VANGL1: variants seen among roughly 807,000 people sequenced by gnomAD.
VANGL1 encodes the protein VANGL planar cell polarity protein 1, also known as vang-like protein 1.
A neutral mutation model predicts 48.4 loss-of-function variants in VANGL1; 18 were observed. That is an observed-to-expected ratio of 0.37 (90% confidence interval 0.26 to 0.55). The LOEUF is 0.55. Ranked by LOEUF, VANGL1 falls within the 20% of genes least tolerant of loss-of-function variation. VANGL1 has a pLI of 0.81. For missense variants in VANGL1, 667 were observed against 675.8 expected (o/e 0.99, Z 0.14); for synonymous variants, 257 against 261.8 (o/e 0.98, Z 0.18).
chr1:115,655,876 C>T (rs570805225), intron 2 of VANGL1, among the ~76,000 whole-genome samples: 32 of 152,308 alleles, frequency 2.1e-4, no homozygotes, highest in African/African-American at 6.7e-4. Flanking sequence ...CTGTGACCCG[C>T]AGTTCTGCAG....
intron 7 of VANGL1, among the ~76,000 whole-genome samples, chr1:115,687,170 A>G (rs1653665027): frequency 7.2e-6 from 1 of 139,254 alleles, no homozygotes; most frequent in African/African-American, 2.7e-5. Context: ...ACTATTTCCT[A>G]CAATCATATA....
At chr1:115,683,718 C>G (rs1653478613) in intron 5 of VANGL1, among the ~76,000 whole-genome samples, 1 of 152,212 alleles carries the variant, frequency 6.6e-6, no homozygotes, top group Non-Finnish European at 1.5e-5. Flanking sequence ...TCCATTTCCA[C>G]TGACCAGATT....
Position 115,694,950 on chromosome 1 carries a change from C to T in VANGL1, c.*3571C>T, listed in dbSNP as rs562740190. On this transcript the variant is annotated 3_prime_UTR_variant, in exon 8 of 8. Transcript: ENST00000355485. ...GTGTTTGAGAGATGACTTAATAACC[C>T]TGTGTTTTGAGAGGTCGCTCTAAAC... 6.6e-6 allele frequency: 1 copy of T among 152,286 alleles called. No individual in the cohort carries two copies. Among genetic ancestry groups the T allele is most frequent in the East Asian group, 1.9e-4 (1 of 5,184 alleles). The allele number at this position is 152,286 out of a possible 1,614,324, so 9.4% of individuals were successfully genotyped here. A position where few individuals can be genotyped will look rare whatever the true frequency, so the allele number is the denominator to read the frequency against.
intron 7 of VANGL1, among the ~76,000 whole-genome samples, chr1:115,690,749 G>A: frequency 6.6e-6 from 1 of 152,222 alleles, no homozygotes. Context: ...TTTGGTTCAG[G>A]AGGAGGAAGA....
At chr1:115,648,154 A>T (rs1652009061) in intron 1 of VANGL1, among the ~76,000 whole-genome samples, 1 of 152,246 alleles carries the variant, frequency 6.6e-6, no homozygotes, top group African/African-American at 2.4e-5. Flanking sequence ...GGCAGGCAGC[A>T]TGCCTTTGTC....
In VANGL1 at chr1:115,663,626, G is replaced by T. The variant is rs201888928; in HGVS notation, c.205-35G>T. The T allele has an allele frequency of 7.7e-5, 125 of 1,613,956 alleles. No individual in the cohort carries two copies. In the African/African-American group the frequency reaches 1.5e-3, roughly 19 times the overall value. ...CCTTTGTAGCTTTTACAAATGACCT[G>T]TGTCATGTCATCCTCACTGTCTTCT... On this transcript the variant is annotated intron_variant, in intron 3 of 7. Coordinates refer to ENST00000355485, the MANE Select transcript of VANGL1 (RefSeq NM_138959.3).
At chr1:115,664,370 G>A (rs757878906) in intron 4 of VANGL1, 102 bp downstream of exon 4, 118 of 1,498,194 alleles carry the variant, frequency 7.9e-5, no homozygotes, top group Non-Finnish European at 9.7e-5. Flanking sequence ...CAAGAGCTAG[G>A]ACCAGAGTCT....
At chr1:115,665,409 C>G (rs1038161456) in intron 4 of VANGL1, among the ~76,000 whole-genome samples, 1 of 152,242 alleles carries the variant, frequency 6.6e-6, no homozygotes, top group Non-Finnish European at 1.5e-5. Flanking sequence ...GCTATTACTG[C>G]TGTGATCATG....
chr1:115,686,639 T>C (rs1288259021), intron 7 of VANGL1, among the ~76,000 whole-genome samples: 1 of 152,140 alleles, frequency 6.6e-6, no homozygotes, highest in Non-Finnish European at 1.5e-5. Flanking sequence ...CTATTAGATA[T>C]ATGGCTGTTT....
intron 3 of VANGL1, among the ~76,000 whole-genome samples, chr1:115,663,410 C>T (rs1194351591): frequency 6.6e-6 from 1 of 152,236 alleles, no homozygotes; most frequent in Non-Finnish European, 1.5e-5. Context: ...GTCAATGAAT[C>T]AGCCAAACAG....
chr1:115,655,936 C>T (rs1419858122), intron 2 of VANGL1, among the ~76,000 whole-genome samples: 1 of 152,204 alleles, frequency 6.6e-6, no homozygotes, highest in Non-Finnish European at 1.5e-5. Context: ...ACTATGAAGT[C>T]CTGACTTGGC....
chr1:115,678,969 A>G (rs980578212), intron 4 of VANGL1, among the ~76,000 whole-genome samples: 10 of 152,002 alleles, frequency 6.6e-5, no homozygotes, highest in African/African-American at 2.2e-4. Context: ...AAAAAAAAGA[A>G]GAAAGGCATA....
chr1:115,686,091 A>G (rs557560956), intron 7 of VANGL1, among the ~76,000 whole-genome samples: 3 of 152,192 alleles, frequency 2.0e-5, no homozygotes, highest in Admixed American at 2.0e-4. Flanking sequence ...TGCGATTTAC[A>G]TGCCTTGTTG....
intron 2 of VANGL1, among the ~76,000 whole-genome samples, chr1:115,657,873 G>T (rs1161778490): frequency 6.6e-6 from 1 of 152,150 alleles, no homozygotes; most frequent in African/African-American, 2.4e-5. Context: ...GCAGTAGCAG[G>T]CACATCACAT....
intron 4 of VANGL1, among the ~76,000 whole-genome samples, chr1:115,676,344 C>T (rs1262017031): frequency 6.6e-6 from 1 of 152,082 alleles, no homozygotes. Context: ...AACTTTGTGG[C>T]CCCAGTCCCT....
At chr1:115,655,528 T>C (rs1652313871) in intron 2 of VANGL1, among the ~76,000 whole-genome samples, 1 of 152,138 alleles carries the variant, frequency 6.6e-6, no homozygotes. Context: ...AGGCAGATGT[T>C]GCGTGGAGAC....
chr1:115,683,979 A>G lies in VANGL1; in HGVS notation c.982A>G (p.Met328Val). ...CAATGCCACTGGCCAGTCCCGGGCC[A>G]TGATTGCTGCAGCTGCTCGGCGCAG... ...SNNATGQSRAMIAAAARRRDS... is the reference protein window; with the variant it reads ...SNNATGQSRAVIAAAARRRDS... Residue 328 changes from methionine to valine, a missense_variant, in exon 6 of 8, where the codon ATG becomes GTG. By Grantham distance (21) the Met-to-Val change is conservative (BLOSUM62 1). Coordinates refer to ENST00000355485, the MANE Select transcript of VANGL1 (RefSeq NM_138959.3). 6.2e-7 allele frequency: 1 copy of G among 1,614,036 alleles called. No individual in the cohort carries two copies. Among genetic ancestry groups the G allele is most frequent in the Non-Finnish European group, 8.5e-7 (1 of 1,179,948 alleles).
intron 3 of VANGL1, among the ~76,000 whole-genome samples, chr1:115,661,926 A>G (rs1480606958): frequency 6.6e-6 from 1 of 152,058 alleles, no homozygotes; most frequent in Non-Finnish European, 1.5e-5. Flanking sequence ...CTGGATGTAT[A>G]TTTTTATTAA....
At chr1:115,671,533 G>A (rs1239200355) in intron 4 of VANGL1, among the ~76,000 whole-genome samples, 2 of 152,218 alleles carry the variant, frequency 1.3e-5, no homozygotes, top group Non-Finnish European at 2.9e-5. Flanking sequence ...GAGTGGAGGT[G>A]TTTCGAGTCC....
Sources: gnomAD v4.1 joint callset for allele counts (sites outside exome capture counted in the v4.1 genomes callset) on GRCh38, gnomAD v4.1.1 for gene constraint, MANE v1.5 for transcripts, NCBI Gene and HGNC (gene_info 2026-07-23, HGNC 2026-07-21) for gene names.